The following FOXP2 variants were observed in gnomAD, a reference collection of about 807,000 sequenced individuals.
The protein encoded by FOXP2 is forkhead box protein P2.
In FOXP2, 12 loss-of-function variants were observed where a neutral mutation model predicts 115.8. The observed-to-expected ratio is 0.10, with a 90% CI of 0.07 to 0.17. The LOEUF is 0.17. Ranked by LOEUF, FOXP2 falls within the 10% of genes least tolerant of loss-of-function variation. The pLI is 1.00. For missense variants in FOXP2, 629 were observed against 843.5 expected, an observed-to-expected ratio of 0.75 and a Z score of 3.15; for synonymous variants, 328 against 297.7, an observed-to-expected ratio of 1.10 and a Z score of -1.05.
chr7:114,174,129 G>T (rs965240108), intron 1 of FOXP2, among the ~76,000 whole-genome samples: 1 of 151,856 alleles, frequency 6.6e-6, no homozygotes, highest in African/African-American at 2.4e-5. Context: ...TATATGTAGG[G>T]ATAAGTGTGC....
In FOXP2 at chr7:114,242,054, T is replaced by A. The variant is rs115754652; in HGVS notation, c.-101-45965T>A. 5.9e-3 allele frequency among the ~76,000 whole-genome samples: 878 copies of A among 149,338 alleles called. 10 individuals are homozygous for A. Among genetic ancestry groups the A allele is most frequent in the African/African-American group, 0.021 (849 of 40,448 alleles). ...TCTCCCTGACCCACTAATCTCCAGC[T>A]ATGGAGTGGGGAAAATCTGAAGGCA... is the stretch of plus-strand genomic sequence containing the variant. On this transcript the variant is annotated intron_variant, in intron 1 of 17. Transcript: ENST00000634411.
intron 1 of FOXP2, chr7:114,416,399 C>T (rs963721781): frequency 2.7e-5 from 4 of 150,326 alleles, no homozygotes; most frequent in Non-Finnish European, 4.4e-5. Context: ...GCTTTTTCCT[C>T]TGACCAGTTT....
chr7:114,252,693 A>G (rs947515897), intron 1 of FOXP2, among the ~76,000 whole-genome samples: 1 of 151,572 alleles, frequency 6.6e-6, no homozygotes, highest in Non-Finnish European at 1.5e-5. Context: ...TTTCTTCTTT[A>G]TTAGTCTCGC....
intron 1 of FOXP2, among the ~76,000 whole-genome samples, chr7:114,206,241 T>A (rs1167452295): frequency 1.3e-5 from 2 of 152,134 alleles, no homozygotes; most frequent in African/African-American, 4.8e-5. Context: ...TCCAGTGGCT[T>A]TCAACTGAAA....
At chr7:114,650,676 T>A (rs184126882) in intron 8 of FOXP2, among the ~76,000 whole-genome samples, 14 of 152,150 alleles carry the variant, frequency 9.2e-5, no homozygotes, top group African/African-American at 3.4e-4. Context: ...TTAATCCTCC[T>A]CACAGGTTCA....
At chr7:114,289,487 A>G (rs941774410) in intron 2 of FOXP2, among the ~76,000 whole-genome samples, 3 of 151,816 alleles carry the variant, frequency 2.0e-5, no homozygotes, top group African/African-American at 7.2e-5. Context: ...ATACCAATAT[A>G]CTCTATCTTT....
At chr7:114,135,962 T>C (rs1194810335) in intron 1 of FOXP2, among the ~76,000 whole-genome samples, 1 of 152,092 alleles carries the variant, frequency 6.6e-6, no homozygotes, top group African/African-American at 2.4e-5. Context: ...ATGTTTTGTT[T>C]GAATGTCTTG....
chr7:114,220,870 TAAAAG>T (rs563792673), intron 1 of FOXP2, among the ~76,000 whole-genome samples: 2 of 152,202 alleles, frequency 1.3e-5, no homozygotes, highest in Non-Finnish European at 2.9e-5. Flanking sequence ...TCTTTTAGAC[TAAAAG>T]AAAACTCTCT....
At chr7:114,366,497 C>T (rs1791886042) in intron 2 of FOXP2, 1 of 151,942 alleles carries the variant, frequency 6.6e-6, no homozygotes, top group Non-Finnish European at 1.5e-5. Context: ...TTTGTTTTAA[C>T]TAAAAAGCCA....
chr7:114,300,342 A>G (rs1204792579), intron 2 of FOXP2, among the ~76,000 whole-genome samples: 1 of 152,106 alleles, frequency 6.6e-6, no homozygotes, highest in Admixed American at 6.6e-5. Flanking sequence ...CACTATTTAA[A>G]TAACATATTT....
intron 2 of FOXP2, among the ~76,000 whole-genome samples, chr7:114,333,484 G>A (rs987779497): frequency 6.6e-6 from 1 of 152,194 alleles, no homozygotes; most frequent in Non-Finnish European, 1.5e-5. Context: ...AAGTGTGGGT[G>A]GCTCACGCCT....
At chr7:114,312,609 G>A (rs1797173801) in intron 2 of FOXP2, among the ~76,000 whole-genome samples, 1 of 152,118 alleles carries the variant, frequency 6.6e-6, no homozygotes, top group African/African-American at 2.4e-5. Flanking sequence ...CATGGATACT[G>A]GCAGGACACA....
At chr7:114,442,020 T>C (rs1049450287) in intron 2 of FOXP2, among the ~76,000 whole-genome samples, 1 of 152,298 alleles carries the variant, frequency 6.6e-6, no homozygotes, top group South Asian at 2.1e-4. Flanking sequence ...GCAAGAGGAA[T>C]GGAAACACTT....
chr7:114,357,337 A>T (rs189183026), intron 2 of FOXP2, among the ~76,000 whole-genome samples: 2 of 152,310 alleles, frequency 1.3e-5, no homozygotes, highest in East Asian at 3.9e-4. Context: ...TGCAGTTCAA[A>T]CGATGAAAAA....
chr7:114,239,476 G>A (rs998428655), intron 1 of FOXP2, among the ~76,000 whole-genome samples: 1 of 151,950 alleles, frequency 6.6e-6, no homozygotes, highest in Non-Finnish European at 1.5e-5. Flanking sequence ...GAATTAAATG[G>A]GTTGGCATTT....
chr7:114,120,670 ATGTGTG>A (rs571409501), intron 1 of FOXP2, among the ~76,000 whole-genome samples: 2 of 147,204 alleles, frequency 1.4e-5, no homozygotes, highest in African/African-American at 2.5e-5. Context: ...TCATATATGT[ATGTGTG>A]TGTGTGTGTG....
intron 7 of FOXP2, among the ~76,000 whole-genome samples, chr7:114,643,370 A>C (rs1164653885): frequency 6.6e-6 from 1 of 152,194 alleles, no homozygotes; most frequent in Non-Finnish European, 1.5e-5. Context: ...ATCAGAGAAC[A>C]GATAAATATA....
At chr7:114,588,076 G>A (rs1376356808) in intron 3 of FOXP2, among the ~76,000 whole-genome samples, 2 of 151,810 alleles carry the variant, frequency 1.3e-5, no homozygotes, top group Admixed American at 6.6e-5. Flanking sequence ...TTGGGAGGCC[G>A]AGGTGAGCGG....
intron 2 of FOXP2, among the ~76,000 whole-genome samples, chr7:114,533,474 T>C (rs1799237296): frequency 6.6e-6 from 1 of 151,940 alleles, no homozygotes; most frequent in Non-Finnish European, 1.5e-5. Flanking sequence ...GCAACTGTTG[T>C]CATGGATACT....
Sources: allele counts gnomAD v4.1 joint callset (sites outside exome capture counted in the v4.1 genomes callset), GRCh38; gene constraint gnomAD v4.1.1; transcripts MANE v1.5; gene names NCBI Gene and HGNC (gene_info 2026-07-23, HGNC 2026-07-21).